The following DNAH6 variants were observed in gnomAD, a reference collection of about 807,000 sequenced individuals.
DNAH6 encodes axonemal beta dynein heavy chain 6.
In DNAH6, 340 loss-of-function variants were observed where a neutral mutation model predicts 491.4. That is an observed-to-expected ratio of 0.69 (90% CI 0.63 to 0.76). DNAH6 has a LOEUF of 0.76. DNAH6 is among the 30% of genes least tolerant of loss of function. The probability of loss-of-function intolerance (pLI) is 0.00; values close to 1 mark genes in which losing one functional copy is unlikely to be tolerated. For missense variants in DNAH6, 4,443 were observed against 4,972.2 expected (o/e 0.89, Z 3.20); for synonymous variants, 1,603 against 1,686.1 (o/e 0.95, Z 1.21).
At chr2:84,681,678 A>G (rs1193346680) in intron 42 of DNAH6, 150 bp downstream of exon 42, 4 of 548,502 alleles carry the variant, frequency 7.3e-6, no homozygotes, top group East Asian at 3.4e-5. Flanking sequence ...GTGCTTCACA[A>G]CTATTTCACA....
the DNAH6 span, among the ~76,000 whole-genome samples, chr2:84,498,341 A>G: frequency 4.6e-5 from 7 of 152,216 alleles, no homozygotes; most frequent in Non-Finnish European, 1.0e-4. Flanking sequence ...CTTACTCTTC[A>G]GAGCACCTGG....
At chr2:84,528,867 G>T (rs1461149936) in intron 3 of DNAH6, 37 bp from the exon 4 acceptor site, 1 of 1,402,860 alleles carries the variant, frequency 7.1e-7, no homozygotes, top group Admixed American at 2.8e-5. Flanking sequence ...TGTGTGCAAA[G>T]ACTCATTTTT....
intron 70 of DNAH6, among the ~76,000 whole-genome samples, chr2:84,802,708 G>A (rs1679044788): frequency 6.6e-6 from 1 of 152,096 alleles, no homozygotes; most frequent in East Asian, 1.9e-4. Flanking sequence ...TTGACTAATT[G>A]GACCTAATAG....
rs1358994806 is a variant in DNAH6, at chr2:84,637,226, T to G, written c.4670T>G (p.Phe1557Cys). The G allele has an allele frequency of 6.5e-7, 1 of 1,546,324 alleles. No homozygotes were observed. The highest frequency in any genetic ancestry group is 1.4e-5 in the African/African-American group (1 of 72,926). The part of the protein sequence containing the change: ...AKAAKLSRFM[F>C]EGREIKLVMT... ...TTCGAACAGCTCTCTAGATTCATGTTTGAGGGGCGGGAAATAAAGTTGGTG... is the reference window on the plus strand; with the variant it reads ...TTCGAACAGCTCTCTAGATTCATGTGTGAGGGGCGGGAAATAAAGTTGGTG... Residue 1557 changes from phenylalanine to cysteine, a missense_variant, in exon 31 of 77, where the codon TTT becomes TGT. This residue lies in a region of DNAH6 where 2,977 missense variants were observed against 3,296.6 expected (regional missense o/e 0.90). Coordinates refer to ENST00000389394, the MANE Select transcript of DNAH6 (RefSeq NM_001370.2).
rs1054829013 is a variant in DNAH6 at position 84,547,475 on chromosome 2, T to C, written c.1066-17T>C. ...ATACTTCAGTATCACTAACTGTACATATTCAACAATATCTAGGTGACAGAA... is the reference window on the plus strand; with the variant it reads ...ATACTTCAGTATCACTAACTGTACACATTCAACAATATCTAGGTGACAGAA... On this transcript the variant is annotated splice_polypyrimidine_tract_variant and intron_variant, in intron 6 of 76. Coordinates refer to ENST00000389394, the MANE Select transcript of DNAH6 (RefSeq NM_001370.2). The C allele has an allele frequency of 2.6e-6, 4 of 1,551,494 alleles. No homozygotes were observed. In the African/African-American group the frequency reaches 5.5e-5, roughly 21 times the overall value.
chr2:84,553,519 A>G (rs1006935008), intron 10 of DNAH6, among the ~76,000 whole-genome samples: 1 of 148,958 alleles, frequency 6.7e-6, no homozygotes, highest in African/African-American at 2.5e-5. Context: ...CTGGAATGCA[A>G]TGATGTGATC....
chr2:84,641,733 A>G (rs1227766082), intron 32 of DNAH6, among the ~76,000 whole-genome samples: 1 of 152,206 alleles, frequency 6.6e-6, no homozygotes, highest in Non-Finnish European at 1.5e-5. Flanking sequence ...GGTGATGAGA[A>G]GATGTCCTTG....
chr2:84,518,087 C>G, intron 2 of DNAH6, 36 bp downstream of exon 2: 1 of 1,445,058 alleles, frequency 6.9e-7, no homozygotes, highest in Non-Finnish European at 9.3e-7. Context: ...CCTCTGTAGC[C>G]ACAGAGGAAG....
In DNAH6 at chr2:84,570,246, G is replaced by A. The variant is rs374161416; in HGVS notation, c.1804-3221G>A. On this transcript the variant is annotated intron_variant, in intron 11 of 76. Coordinates refer to ENST00000389394, the MANE Select transcript of DNAH6 (RefSeq NM_001370.2). The stretch of plus-strand genomic sequence containing the variant: ...CCTCGAAGGGTCTCCCTGGTGAGAG[G>A]TGAAGCCAGCTGGACTTCCTGGGTT... Among the ~76,000 whole-genome samples the A allele has an allele frequency of 9.8e-5, 15 of 152,340 alleles. No homozygotes were observed. In the East Asian group the frequency reaches 2.5e-3, roughly 25 times the overall value.
At chr2:84,624,188 T>C in intron 26 of DNAH6, 77 bp from the exon 27 acceptor site, 8 of 1,322,422 alleles carry the variant, frequency 6.0e-6, no homozygotes, top group Non-Finnish European at 8.1e-6. Flanking sequence ...TCTCTCCAAA[T>C]TGAATGGTGA....
intron 59 of DNAH6, among the ~76,000 whole-genome samples, chr2:84,718,939 G>A (rs10199591): frequency 0.18 from 27,134 of 152,140 alleles, 2,611 homozygotes; most frequent in African/African-American, 0.23. Flanking sequence ...CAACAAAAAC[G>A]TGTCGATAGT....
At chr2:84,783,279 T>A (rs909092794) in intron 65 of DNAH6, among the ~76,000 whole-genome samples, 1 of 152,206 alleles carries the variant, frequency 6.6e-6, no homozygotes, top group Non-Finnish European at 1.5e-5. Context: ...CATGACATCA[T>A]CATGAAAAGT....
At chr2:84,487,928 CT>C in the DNAH6 span, among the ~76,000 whole-genome samples, 1,325 of 152,324 alleles carry the variant, frequency 8.7e-3, 13 homozygotes, top group Middle Eastern at 0.017. Flanking sequence ...ACAACCTAAT[CT>C]AGGACATCCT....
At chr2:84,503,629 C>T in the DNAH6 span, among the ~76,000 whole-genome samples, 1 of 151,474 alleles carries the variant, frequency 6.6e-6, no homozygotes, top group Non-Finnish European at 1.5e-5. Context: ...GGCTTTATTT[C>T]TCTTTCGTGT....
chr2:84,615,274 C>T (rs1164812494), intron 22 of DNAH6, among the ~76,000 whole-genome samples: 1 of 152,076 alleles, frequency 6.6e-6, no homozygotes, highest in East Asian at 1.9e-4. Context: ...ATCCCAGCAC[C>T]ATTTGTTGAA....
At chr2:84,706,826 T>C (rs1307821883) in intron 52 of DNAH6, 70 bp from the exon 53 acceptor site, 1 of 1,477,528 alleles carries the variant, frequency 6.8e-7, no homozygotes, top group Non-Finnish European at 8.9e-7. Context: ...TTTTTTTAGA[T>C]CTGTATTATT....
chr2:84,767,977 T>C (rs1348121097), intron 64 of DNAH6, among the ~76,000 whole-genome samples: 1 of 152,142 alleles, frequency 6.6e-6, no homozygotes, highest in African/African-American at 2.4e-5. Flanking sequence ...GGAAGACATA[T>C]ATTCTACGTG....
chr2:84,518,135 A>T (rs1675770216), intron 2 of DNAH6, 84 bp downstream of exon 2: 4 of 967,684 alleles, frequency 4.1e-6, no homozygotes, highest in Admixed American at 2.9e-5. Flanking sequence ...TCATGTCCAG[A>T]CTCTGAACTG....
At chr2:84,731,875 G>A (rs1054352932) in intron 61 of DNAH6, among the ~76,000 whole-genome samples, 5 of 152,068 alleles carry the variant, frequency 3.3e-5, no homozygotes, top group Admixed American at 6.5e-5. Flanking sequence ...AAATTTGAAT[G>A]TTTTAGTCTG....
Sources: gnomAD v4.1 joint callset for allele counts (sites outside exome capture counted in the v4.1 genomes callset) on GRCh38, gnomAD v4.1.1 for gene constraint, gnomAD v4.1.1 regional missense constraint, MANE v1.5 for transcripts, NCBI Gene and HGNC (gene_info 2026-07-23, HGNC 2026-07-21) for gene names.